FRMD6: variants seen among roughly 807,000 people sequenced by gnomAD.
The protein encoded by FRMD6 is FERM domain containing 6.
FRMD6 carries 37 observed loss-of-function variants against 73.2 expected under a neutral mutation model. The observed-to-expected ratio is 0.51, with a 90% CI of 0.39 to 0.66. The LOEUF (loss-of-function observed/expected upper bound fraction) is 0.66, where lower values mean the gene tolerates loss of function less well. Among genes scored for constraint, FRMD6 ranks in the 30% least tolerant of loss-of-function variants. The pLI is 0.00. For missense variants in FRMD6, 714 were observed against 780.5 expected (o/e 0.91, Z 1.02); for synonymous variants, 273 against 282.2 (o/e 0.97, Z 0.33).
At chr14:51,660,389 GT>G (rs1318754127) in intron 1 of FRMD6, among the ~76,000 whole-genome samples, 1 of 152,064 alleles carries the variant, frequency 6.6e-6, no homozygotes, top group Non-Finnish European at 1.5e-5. Context: ...ATTTATACTG[GT>G]TAGTGAAGTC....
intron 2 of FRMD6, among the ~76,000 whole-genome samples, chr14:51,578,222 C>T (rs1596643344): frequency 1.3e-5 from 2 of 152,132 alleles, no homozygotes; most frequent in East Asian, 3.8e-4. Context: ...AGATTCTTGA[C>T]ATATGTGATT....
chr14:51,672,567 C>CT (rs1894084436), intron 1 of FRMD6, among the ~76,000 whole-genome samples: 1 of 152,162 alleles, frequency 6.6e-6, no homozygotes, highest in African/African-American at 2.4e-5. Flanking sequence ...TTAGGATGCA[C>CT]TAGGTGGCTG....
intron 2 of FRMD6, among the ~76,000 whole-genome samples, chr14:51,639,116 CTTTG>C (rs1262670849): frequency 3.3e-5 from 5 of 151,692 alleles, no homozygotes; most frequent in African/African-American, 1.2e-4. Flanking sequence ...TTTTCTTTTC[CTTTG>C]TTTTTTAAAA....
intron 1 of FRMD6, among the ~76,000 whole-genome samples, chr14:51,512,630 TG>T (rs1044376426): frequency 5.3e-5 from 8 of 151,104 alleles, no homozygotes; most frequent in Admixed American, 1.3e-4. Flanking sequence ...TTTTTTTTTG[TG>T]GGGGATGGAT....
intron 1 of FRMD6, among the ~76,000 whole-genome samples, chr14:51,531,030 G>T (rs956241792): frequency 6.6e-6 from 1 of 152,204 alleles, no homozygotes; most frequent in African/African-American, 2.4e-5. Flanking sequence ...GAAGGGCAAA[G>T]AGGGTGAGGG....
chr14:51,689,633 C>T (rs902351364), intron 1 of FRMD6, 58 bp from the exon 2 acceptor site: 17 of 574,368 alleles, frequency 3.0e-5, no homozygotes, highest in Admixed American at 1.8e-4. Context: ...CTTCCTGACG[C>T]GCTCTTCGCA....
intron 1 of FRMD6, among the ~76,000 whole-genome samples, chr14:51,508,034 A>G (rs945050278): frequency 1.1e-4 from 17 of 151,940 alleles, no homozygotes; most frequent in Non-Finnish European, 2.5e-4. Context: ...CCTGCTACTG[A>G]GCGTGCCCAC....
chr14:51,413,529 T>C, the FRMD6 span, among the ~76,000 whole-genome samples: 2 of 152,236 alleles, frequency 1.3e-5, no homozygotes, highest in African/African-American at 4.8e-5. Context: ...ATGGTGTATA[T>C]GTGCCACATT....
upstream of FRMD6, chr14:51,649,416 A>G (rs1463142805): frequency 2.0e-5 from 3 of 152,098 alleles, no homozygotes; most frequent in Non-Finnish European, 2.9e-5. Flanking sequence ...TGTTTTACCT[A>G]ATTATATTTG....
intron 2 of FRMD6, among the ~76,000 whole-genome samples, chr14:51,595,032 G>A (rs757085394): frequency 2.0e-5 from 3 of 152,192 alleles, no homozygotes; most frequent in Admixed American, 1.3e-4. Flanking sequence ...TCAACGGAAG[G>A]GGTAGGGAGT....
At chr14:51,645,537 C>T (rs1479484741) in intron 2 of FRMD6, among the ~76,000 whole-genome samples, 2 of 152,166 alleles carry the variant, frequency 1.3e-5, no homozygotes, top group African/African-American at 4.8e-5. Context: ...TCAAGTGAAC[C>T]TCCACCTCAA....
chr14:51,676,171 A>G (rs186485327), intron 1 of FRMD6, among the ~76,000 whole-genome samples: 1 of 152,248 alleles, frequency 6.6e-6, no homozygotes, highest in East Asian at 1.9e-4. Context: ...GCTGACTGTC[A>G]TCTTGGCCAG....
Position 51,721,720 on chromosome 14 carries a change from G to GAGGAAGGA in FRMD6, c.1361-226_1361-225insAAGGAAGG, listed in dbSNP as rs1311986319. Among the ~76,000 whole-genome samples the GAGGAAGGA allele has an allele frequency of 3.1e-4, 36 of 116,256 alleles. 1 individual carries two copies. Among genetic ancestry groups the GAGGAAGGA allele is most frequent in the East Asian group, 1.6e-3 (7 of 4,282 alleles). 76.3% of individuals were successfully genotyped at this position (116,256 alleles called of 152,430 possible). A position where few individuals can be genotyped will look rare whatever the true frequency, so the allele number is the denominator to read the frequency against. ...GAAGGAAGGAAGGAAGGAAGGAAGGGAGGGAGGAAGGGAGGGAGGAAGGAA... is the reference window on the plus strand; with the variant it reads ...GAAGGAAGGAAGGAAGGAAGGAAGGGAGGAAGGAAGGGAGGAAGGGAGGGAGGAAGGAA... On this transcript the variant is annotated intron_variant, in intron 11 of 13. Coordinates refer to ENST00000344768, the MANE Select transcript of FRMD6 (RefSeq NM_001267046.2).
At chr14:51,566,049 C>A (rs1393061128) in intron 1 of FRMD6, among the ~76,000 whole-genome samples, 2 of 152,092 alleles carry the variant, frequency 1.3e-5, no homozygotes, top group Non-Finnish European at 2.9e-5. Context: ...CCTGTAGTCC[C>A]AGCTACTCAG....
chr14:51,412,501 A>G, the FRMD6 span, among the ~76,000 whole-genome samples: 56 of 149,502 alleles, frequency 3.7e-4, 1 homozygote, highest in South Asian at 6.2e-4. Flanking sequence ...AGGGGGAGGG[A>G]AAAACAGTCA....
chr14:51,678,158 T>C (rs1221585415), intron 1 of FRMD6, among the ~76,000 whole-genome samples: 1 of 152,200 alleles, frequency 6.6e-6, no homozygotes, highest in African/African-American at 2.4e-5. Flanking sequence ...ATTTTATAGA[T>C]ACGGAAGCTG....
chr14:51,603,999 G>T (rs1227894510), intron 2 of FRMD6, among the ~76,000 whole-genome samples: 1 of 151,512 alleles, frequency 6.6e-6, no homozygotes, highest in African/African-American at 2.4e-5. Context: ...AGCAGAGGAA[G>T]GTGAGGGAGT....
intron 2 of FRMD6, among the ~76,000 whole-genome samples, chr14:51,610,404 G>T (rs546525267): frequency 6.7e-6 from 1 of 149,148 alleles, no homozygotes; most frequent in Non-Finnish European, 1.5e-5. Flanking sequence ...GCTTGTATTT[G>T]GTTGGCCATT....
the FRMD6 span, among the ~76,000 whole-genome samples, chr14:51,428,371 C>T: frequency 3.3e-5 from 5 of 152,224 alleles, no homozygotes; most frequent in South Asian, 2.1e-4. Flanking sequence ...TCTGTGATTC[C>T]CGTTGTGCCC....
Sources: allele counts gnomAD v4.1 joint callset (sites outside exome capture counted in the v4.1 genomes callset), GRCh38; gene constraint gnomAD v4.1.1; transcripts MANE v1.5; gene names NCBI Gene and HGNC (gene_info 2026-07-23, HGNC 2026-07-21).